UPF2: variants seen among roughly 807,000 people sequenced by gnomAD.
The protein encoded by UPF2 is regulator of nonsense transcripts 2.
Under a neutral mutation model 141.4 loss-of-function variants are expected in UPF2, and 17 were observed. The ratio of observed to expected loss-of-function variants is 0.12; its 90% CI spans 0.08 to 0.18. The LOEUF (loss-of-function observed/expected upper bound fraction) is 0.18, where lower values mean the gene tolerates loss of function less well. UPF2 is among the 10% of genes least tolerant of loss of function. The probability of loss-of-function intolerance (pLI) is 1.00; values close to 1 mark genes in which losing one functional copy is unlikely to be tolerated. For missense variants in UPF2, 1,152 were observed against 1,515.9 expected, an observed-to-expected ratio of 0.76 and a Z score of 3.99; for synonymous variants, 540 against 498.0, an observed-to-expected ratio of 1.08 and a Z score of -1.12.
Position 11,921,409 on chromosome 10 carries a change from C to T in UPF2, c.3810-102G>A. 1 of 1,479,120 alleles carries T rather than the reference C, an allele frequency of 6.8e-7. No homozygotes were observed. 91.6% of individuals were successfully genotyped at this position (1,479,120 alleles called of 1,614,324 possible). On this transcript the variant is annotated intron_variant, in intron 21 of 21. Coordinates refer to ENST00000357604, the MANE Select transcript of UPF2 (RefSeq NM_015542.4). This position sits in a 1 kb window ranked among gnomAD's most constrained non-coding sequence, Gnocchi z 5.9. ...TACCCACCACCACCAAGTCACTCCC[C>T]CAAGTTACAGGTGGCCCTGGCATCT...
At position 11,955,314 on chromosome 10, in the gene UPF2, C is replaced by T; in HGVS notation, c.2768G>A (p.Cys923Tyr). 1 of 1,614,140 alleles carries T rather than the reference C, an allele frequency of 6.2e-7. No individual in the cohort carries two copies. Among genetic ancestry groups the T allele is most frequent in the Non-Finnish European group, 8.5e-7 (1 of 1,180,032 alleles). The change falls in exon 14 of 22, where the codon TGC becomes TAC. Residue 923 changes from cysteine (C) to tyrosine (Y), a missense_variant. Transcript: ENST00000357604. ...CTGGCCACATGTGTCCAGAATAGTG[C>T]ATACGAGTCTAATTCTGAAAAGATG... ...PEHLFRIRLV[C>Y]TILDTCGQYF...
chr10:11,967,515 CTAT>C, intron 9 of UPF2, 61 bp from the exon 10 acceptor site: 1 of 731,554 alleles, frequency 1.4e-6, no homozygotes, highest in Non-Finnish European at 2.1e-6. Flanking sequence ...GTGATAAAAA[CTAT>C]TATTTTAATG....
At position 11,953,762 on chromosome 10, in the gene UPF2, T is replaced by C. The variant is rs548857978; in HGVS notation, c.2850+1470A>G. Among the ~76,000 whole-genome samples, 1 of 152,300 alleles carries C rather than the reference T, an allele frequency of 6.6e-6. No individual in the cohort carries two copies. The highest frequency in any genetic ancestry group is 1.9e-4 in the East Asian group (1 of 5,182). ...CAACCCTCAAATCTGCAAGTCCTTT[T>C]CCCCACTTTTTGCTCATCAATTCAG... On this transcript the variant is annotated intron_variant, in intron 14 of 21. Transcript: ENST00000357604. The surrounding 1 kb of genome is among the most constrained non-coding windows in gnomAD (Gnocchi z 5.0).
In UPF2 at chr10:11,979,260, A is replaced by G. The variant is rs1833554805; in HGVS notation, c.1845-95T>C. 3 of 871,000 alleles carry G rather than the reference A, an allele frequency of 3.4e-6. No individual in the cohort carries two copies. Among genetic ancestry groups the G allele is most frequent in the East Asian group, 2.7e-5 (1 of 37,506 alleles). The allele number at this position is 871,000 out of a possible 1,614,324, so 54.0% of individuals were successfully genotyped here. A position where few individuals can be genotyped will look rare whatever the true frequency, so the allele number is the denominator to read the frequency against. ...CTTTTCAGATGTATTCACACATTAA[A>G]TGATCTTAAAACTCATAATCATACA... On this transcript the variant is annotated intron_variant, in intron 8 of 21. Coordinates refer to ENST00000357604, the MANE Select transcript of UPF2 (RefSeq NM_015542.4). The surrounding 1 kb of genome is among the most constrained non-coding windows in gnomAD (Gnocchi z 6.2).
At chr10:11,978,499 G>C (rs1158441725) in intron 9 of UPF2, among the ~76,000 whole-genome samples, 1 of 152,168 alleles carries the variant, frequency 6.6e-6, no homozygotes, top group Admixed American at 6.5e-5. Context: ...TAGGGTTAGA[G>C]AGGAAGGGAA....
chr10:11,958,818 C>A (rs1030745125), intron 12 of UPF2, among the ~76,000 whole-genome samples: 9 of 152,126 alleles, frequency 5.9e-5, no homozygotes, highest in African/African-American at 1.7e-4. Context: ...GATCATGGGC[C>A]TCTTATAACG....
At chr10:11,932,593 G>A (rs1325876165) in intron 19 of UPF2, among the ~76,000 whole-genome samples, 2 of 152,094 alleles carry the variant, frequency 1.3e-5, no homozygotes, top group African/African-American at 2.4e-5. Context: ...TAATAAATAC[G>A]GGGAAATGAA....
rs1833791658 is a variant in UPF2, at chr10:11,992,195, A to C, written c.1844+5477T>G. Among the ~76,000 whole-genome samples the C allele has an allele frequency of 6.6e-6, 1 of 152,162 alleles. No homozygotes were observed. Among genetic ancestry groups the C allele is most frequent in the African/African-American group, 2.4e-5 (1 of 41,428 alleles). ...GCAAATAAGGGCATTAGAGCAAGAA[A>C]TTTTAATATAAATGTTTTATTCCCT... On this transcript the variant is annotated intron_variant, in intron 8 of 21. Coordinates refer to ENST00000357604, the MANE Select transcript of UPF2 (RefSeq NM_015542.4). The surrounding 1 kb of genome is among the most constrained non-coding windows in gnomAD (Gnocchi z 4.1).
intron 2 of UPF2, 67 bp downstream of exon 2, chr10:12,034,992 G>GT (rs1329154800): frequency 1.3e-5 from 20 of 1,504,370 alleles, no homozygotes; most frequent in South Asian, 1.1e-4. Flanking sequence ...TTCAAATAAT[G>GT]TTTTTTTCCC....
Position 11,936,862 on chromosome 10 carries a change from T to A in UPF2, c.3379-150A>T. ...TCAACAATTACAACCACCATAATAC[T>A]CTTTCTGAAACGTGGATAAATCTAG... is the stretch of plus-strand genomic sequence containing the variant. On this transcript the variant is annotated intron_variant, in intron 18 of 21. Transcript: ENST00000357604. The surrounding 1 kb of genome is among the most constrained non-coding windows in gnomAD (Gnocchi z 6.6). 1 of 731,148 alleles carries A rather than the reference T, an allele frequency of 1.4e-6. No homozygotes were observed. Among genetic ancestry groups the A allele is most frequent in the Non-Finnish European group, 2.1e-6 (1 of 487,220 alleles). 45.3% of individuals were successfully genotyped at this position (731,148 alleles called of 1,614,324 possible).
At chr10:11,938,868 T>TTTTTTTTTTTTTTTTTTTTTTTG (rs1832897282) in intron 18 of UPF2, among the ~76,000 whole-genome samples, 19 of 90,846 alleles carry the variant, frequency 2.1e-4, no homozygotes, top group Non-Finnish European at 2.9e-4. Context: ...TTTTTTTTTT[T>TTTTTTTTTTTTTTTTTTTTTTTG]TTTTTTTTTT....
At chr10:11,997,600 G>A in intron 8 of UPF2, 72 bp downstream of exon 8, 1 of 1,312,242 alleles carries the variant, frequency 7.6e-7, no homozygotes, top group Non-Finnish European at 1.1e-6. Context: ...TTTTCAAGAG[G>A]TAAGAATTTT....
At position 12,029,158 on chromosome 10, in the gene UPF2, C is replaced by G. The variant is rs746254880; in HGVS notation, c.732G>C (p.Trp244Cys). 6.2e-7 allele frequency: 1 copy of G among 1,614,166 alleles called. No homozygotes were observed. Among genetic ancestry groups the G allele is most frequent in the South Asian group, 1.1e-5 (1 of 91,080 alleles). Reference sequence around the variant, plus strand: ...CTTTCCTTGCTTCAAAATGTTTTTTCCAGACCTGAAGAAGTGATGGGGCAA... The same window carrying G: ...CTTTCCTTGCTTCAAAATGTTTTTTGCAGACCTGAAGAAGTGATGGGGCAA... ...ADFAPSLLQV[W>C]KKHFEARKEE... Residue 244 changes from tryptophan (W) to cysteine (C), a missense_variant, in exon 3 of 22, where the codon TGG becomes TGC. Trp to Cys is a radical substitution (Grantham distance 215, BLOSUM62 -2). This residue lies in a region of UPF2 where 739 missense variants were observed against 1,032.2 expected (regional missense o/e 0.72). Coordinates refer to ENST00000357604, the MANE Select transcript of UPF2 (RefSeq NM_015542.4).
chr10:11,997,583 G>C, intron 8 of UPF2, 89 bp downstream of exon 8: 4 of 1,155,668 alleles, frequency 3.5e-6, no homozygotes, highest in Non-Finnish European at 5.0e-6. Context: ...AAAATCAAAA[G>C]CAATATTTTT....
chr10:11,976,820 T>C (rs1833512814), intron 9 of UPF2, among the ~76,000 whole-genome samples: 1 of 152,234 alleles, frequency 6.6e-6, no homozygotes, highest in Non-Finnish European at 1.5e-5. Context: ...ATAATTATTA[T>C]TAAAATAATA....
chr10:11,929,816 T>A (rs201659773), intron 21 of UPF2, 49 bp downstream of exon 21: 2 of 1,596,020 alleles, frequency 1.3e-6, no homozygotes, highest in Non-Finnish European at 1.7e-6. Flanking sequence ...TTTATTCTTA[T>A]GGACATCATG....
chr10:12,029,693 G>GGC (rs1316677900), intron 2 of UPF2, among the ~76,000 whole-genome samples, 169 bp from the exon 3 acceptor site: 1 of 152,118 alleles, frequency 6.6e-6, no homozygotes, highest in African/African-American at 2.4e-5. Flanking sequence ...CAGGCATGGT[G>GGC]GCTCATGCCT....
intron 8 of UPF2, among the ~76,000 whole-genome samples, chr10:11,996,144 C>A (rs1208342241): frequency 6.6e-6 from 1 of 152,100 alleles, no homozygotes; most frequent in African/African-American, 2.4e-5. Context: ...GCATGGATCA[C>A]AGTACACAGC....
intron 7 of UPF2, among the ~76,000 whole-genome samples, chr10:11,999,512 C>CAAA (rs1325502291): frequency 6.3e-4 from 63 of 100,322 alleles, no homozygotes; most frequent in African/African-American, 1.1e-3. Flanking sequence ...GACTCCATCT[C>CAAA]AAAAAAAAAA....
Sources: gnomAD v4.1 joint callset for allele counts (sites outside exome capture counted in the v4.1 genomes callset) on GRCh38, gnomAD v4.1.1 for gene constraint, gnomAD v4.1.1 regional missense constraint, Gnocchi (gnomAD v3.1) non-coding constraint, MANE v1.5 for transcripts, NCBI Gene and HGNC (gene_info 2026-07-23, HGNC 2026-07-21) for gene names.